Variants in ADAMTS8 observed in about 807,000 individuals in gnomAD.
ADAMTS8 encodes A disintegrin and metalloproteinase with thrombospondin motifs 8.
ADAMTS8 carries 50 observed loss-of-function variants against 64.4 expected under a neutral mutation model. That is an observed-to-expected ratio of 0.78 (90% confidence interval 0.62 to 0.98). The LOEUF (loss-of-function observed/expected upper bound fraction) is 0.98, where lower values mean the gene tolerates loss of function less well. Ranked by LOEUF, ADAMTS8 falls within the 50% of genes least tolerant of loss-of-function variation. The probability of loss-of-function intolerance (pLI) is 0.00; values close to 1 mark genes in which losing one functional copy is unlikely to be tolerated. For synonymous variants in ADAMTS8, 556 were observed against 533.6 expected, an observed-to-expected ratio of 1.04 and a Z score of -0.58; for missense variants, 1,192 against 1,208.2, an observed-to-expected ratio of 0.99 and a Z score of 0.20.
chr11:130,417,568 T>C (rs1862043706), intron 2 of ADAMTS8, among the ~76,000 whole-genome samples: 2 of 152,230 alleles, frequency 1.3e-5, no homozygotes, highest in South Asian at 4.2e-4. Flanking sequence ...AAATTAAACT[T>C]TAGAGACGAG....
At position 130,405,279 on chromosome 11, in the gene ADAMTS8, GT is replaced by G. The variant is rs1370331426; in HGVS notation, c.*278del. The G allele has an allele frequency of 2.4e-6, 3 of 1,235,624 alleles. No individual in the cohort carries two copies. Among genetic ancestry groups the G allele is most frequent in the Non-Finnish European group, 2.0e-6 (2 of 989,032 alleles). 76.5% of individuals were successfully genotyped at this position (1,235,624 alleles called of 1,614,324 possible). On this transcript the variant is annotated 3_prime_UTR_variant, in exon 9 of 9. Coordinates refer to ENST00000257359, the MANE Select transcript of ADAMTS8 (RefSeq NM_007037.6). ...GACTGACGCTGAGTGTCCTGTCTGA[GT>G]CAATAAGTGCACTTTTACCTTTTAA...
At chr11:130,410,161 G>A (rs557431184) in intron 6 of ADAMTS8, among the ~76,000 whole-genome samples, 13 of 152,064 alleles carry the variant, frequency 8.5e-5, no homozygotes, top group Non-Finnish European at 1.6e-4. Context: ...CAAAGCTTCC[G>A]CTCACCCAGC....
intron 8 of ADAMTS8, among the ~76,000 whole-genome samples, chr11:130,408,082 G>A (rs1470080648): frequency 2.0e-5 from 3 of 152,118 alleles, no homozygotes; most frequent in African/African-American, 4.8e-5. Context: ...AGGGTGAGAC[G>A]TCCTTCCCAA....
chr11:130,408,486 A>G lies in ADAMTS8; in HGVS notation c.2077T>C (p.Ser693Pro). The G allele has an allele frequency of 6.2e-7, 1 of 1,613,862 alleles. No homozygotes were observed. The highest frequency in any genetic ancestry group is 8.5e-7 in the Non-Finnish European group (1 of 1,180,016). ...GGKGNSCRKV[S>P]GSLTPTNYGY... ...CACTTGGTGGGGGTGAGGGACCCGG[A>G]GACCTTCCTGCAGGAGTTGCCTTTG... The change falls in exon 8 of 9, where the codon TCC becomes CCC. Residue 693 changes from serine (S) to proline (P), a missense_variant. Transcript: ENST00000257359.
rs773003821 is a variant in ADAMTS8 at position 130,417,025 on chromosome 11, G to A, written c.1011C>T (p.Ile337=). 26 of 1,613,876 alleles carry A rather than the reference G, an allele frequency of 1.6e-5. No individual in the cohort carries two copies. The highest frequency in any genetic ancestry group is 2.7e-5 in the African/African-American group (2 of 74,888). The change falls in exon 3 of 9, where the codon ATC becomes ATT. Residue 337 remains isoleucine, a synonymous_variant. Transcript: ENST00000257359. ...TTTTGTTGGGGTCACAAATGGTCCCGATGTCTGCCACACCCAGGGTGTCAC... is the reference window on the plus strand; with the variant it reads ...TTTTGTTGGGGTCACAAATGGTCCCAATGTCTGCCACACCCAGGGTGTCAC... The part of the protein sequence containing the change: ...GLCDTLGVAD[I]GTICDPNKSC...
rs140947483 is a variant in ADAMTS8 at position 130,411,154 on chromosome 11, C to G, written c.1750+263G>C. Among the ~76,000 whole-genome samples, 102 of 152,250 alleles carry G rather than the reference C, an allele frequency of 6.7e-4. No individual in the cohort carries two copies. Among genetic ancestry groups the G allele is most frequent in the African/African-American group, 2.3e-3 (95 of 41,550 alleles). On this transcript the variant is annotated intron_variant, in intron 6 of 8. Transcript: ENST00000257359. The surrounding 1 kb of genome is among the most constrained non-coding windows in gnomAD (Gnocchi z 4.2). ...TTGGAAGATGAGCGTAATTTCTCTCCTTGACTTTGCCAGGCTCTCTGAACA... is the reference window on the plus strand; with the variant it reads ...TTGGAAGATGAGCGTAATTTCTCTCGTTGACTTTGCCAGGCTCTCTGAACA...
At position 130,406,133 on chromosome 11, in the gene ADAMTS8, G is replaced by A. The variant is rs1250983044; in HGVS notation, c.2100-5C>T. The A allele has an allele frequency of 5.0e-6, 8 of 1,601,502 alleles. No homozygotes were observed. The highest frequency in any genetic ancestry group is 6.8e-6 in the Non-Finnish European group (8 of 1,176,552). ...ACAATGTCATTGTAGCCATAACTGTGATAGAAACAGAAGGACACCCTTAGA... is the reference window on the plus strand; with the variant it reads ...ACAATGTCATTGTAGCCATAACTGTAATAGAAACAGAAGGACACCCTTAGA... On this transcript the variant is annotated splice_polypyrimidine_tract_variant and splice_region_variant and intron_variant, in intron 8 of 8. Transcript: ENST00000257359.
At chr11:130,419,340 G>A (rs765387) in intron 1 of ADAMTS8, 48 bp from the exon 2 acceptor site, 2 of 1,610,290 alleles carry the variant, frequency 1.2e-6, no homozygotes, top group Non-Finnish European at 1.7e-6. Context: ...TTAAGTCTCA[G>A]GGCCCTTGGC....
intron 4 of ADAMTS8, among the ~76,000 whole-genome samples, 193 bp downstream of exon 4, chr11:130,415,970 C>T (rs902285113): frequency 2.6e-5 from 4 of 152,208 alleles, no homozygotes; most frequent in Non-Finnish European, 5.9e-5. Flanking sequence ...TAAATTAGCG[C>T]AGAACTCGGC....
intron 8 of ADAMTS8, among the ~76,000 whole-genome samples, chr11:130,407,925 G>A (rs1198726428): frequency 1.3e-5 from 2 of 152,106 alleles, no homozygotes; most frequent in Non-Finnish European, 2.9e-5. Context: ...AAAATCCTTG[G>A]AGTTTTATGA....
Position 130,405,041 on chromosome 11 carries a change from C to T in ADAMTS8, c.*517G>A. On this transcript the variant is annotated 3_prime_UTR_variant, in exon 9 of 9. Transcript: ENST00000257359. ...TCTCCAAACCCTGCGACGCTGCGGC[C>T]CTTTAGGTGATGGATTTTAACACTG... 1.0e-6 allele frequency: 1 copy of T among 987,288 alleles called. No individual in the cohort carries two copies. Among genetic ancestry groups the T allele is most frequent in the Non-Finnish European group, 1.2e-6 (1 of 831,042 alleles). The allele number at this position is 987,288 out of a possible 1,614,324, so 61.2% of individuals were successfully genotyped here. A position where few individuals can be genotyped will look rare whatever the true frequency, so the allele number is the denominator to read the frequency against.
In ADAMTS8 at chr11:130,408,611, T is replaced by C; in HGVS notation, c.1952A>G (p.Glu651Gly). The C allele has an allele frequency of 1.2e-6, 2 of 1,614,152 alleles. No individual in the cohort carries two copies. The highest frequency in any genetic ancestry group is 1.7e-6 in the Non-Finnish European group (2 of 1,180,026). ...KVIDGTLCGP[E>G]TLAICVRGQC... is the part of the protein sequence containing the mutation. ...GCCACGGACACAGATGGCCAGTGTT[T>C]CTGGCCCACACAGGGTGCCATCAAT... The change falls in exon 8 of 9, where the codon GAA (glutamate) becomes GGA (glycine). Residue 651 changes from glutamate (E) to glycine (G), a missense_variant. Physicochemically the swap from Glu to Gly is moderately conservative, Grantham distance 98 (BLOSUM62 -2). Coordinates refer to ENST00000257359, the MANE Select transcript of ADAMTS8 (RefSeq NM_007037.6).
In ADAMTS8 at chr11:130,419,275, T is replaced by A; in HGVS notation, c.738A>T (p.Leu246Phe). ...GADLQNHILT[L>F]MSVAARIYKH... ...TGTAGATTCGGGCTGCCACAGACAT[T>A]AACGTCAGGATGTGGTTCTGTCAGG... The change falls in exon 2 of 9, where the codon TTA (leucine) becomes TTT (phenylalanine). Residue 246 changes from leucine (L) to phenylalanine (F), a missense_variant. By Grantham distance (22) the Leu-to-Phe change is conservative. Coordinates refer to ENST00000257359, the MANE Select transcript of ADAMTS8 (RefSeq NM_007037.6). 1 of 1,613,926 alleles carries A rather than the reference T, an allele frequency of 6.2e-7. No homozygotes were observed.
rs916537842 is a variant in ADAMTS8, at chr11:130,416,091, A to G, written c.1264+72T>C. The G allele has an allele frequency of 2.8e-5, 41 of 1,461,374 alleles. No homozygotes were observed. The highest frequency in any genetic ancestry group is 3.5e-5 in the Non-Finnish European group (38 of 1,099,412). 90.5% of individuals were successfully genotyped at this position (1,461,374 alleles called of 1,614,324 possible). ...GGGCCCTGTGAGGAGGCACAGCTGGAGGGGGTCTCTGCGCCAGCACCAGTG... is the reference window on the plus strand; with the variant it reads ...GGGCCCTGTGAGGAGGCACAGCTGGGGGGGGTCTCTGCGCCAGCACCAGTG... On this transcript the variant is annotated intron_variant, in intron 4 of 8. Coordinates refer to ENST00000257359, the MANE Select transcript of ADAMTS8 (RefSeq NM_007037.6). This position sits in a 1 kb window ranked among gnomAD's most constrained non-coding sequence, Gnocchi z 4.8.
Position 130,416,359 on chromosome 11 carries a change from C to G in ADAMTS8, c.1097-29G>C. 1 of 1,520,646 alleles carries G rather than the reference C, an allele frequency of 6.6e-7. No individual in the cohort carries two copies. 94.2% of individuals were successfully genotyped at this position (1,520,646 alleles called of 1,614,324 possible). A position where few individuals can be genotyped will look rare whatever the true frequency, so the allele number is the denominator to read the frequency against. On this transcript the variant is annotated intron_variant, in intron 3 of 8. Transcript: ENST00000257359. This position sits in a 1 kb window ranked among gnomAD's most constrained non-coding sequence, Gnocchi z 4.8. ...GGGAGAGAGGCCTGGTCCACTCCGCCCTGTCCTGCCTGAGGGCGCCCCACC... is the reference window on the plus strand; with the variant it reads ...GGGAGAGAGGCCTGGTCCACTCCGCGCTGTCCTGCCTGAGGGCGCCCCACC...
At chr11:130,421,243 C>T (rs1444518775) in intron 1 of ADAMTS8, among the ~76,000 whole-genome samples, 1 of 152,166 alleles carries the variant, frequency 6.6e-6, no homozygotes, top group African/African-American at 2.4e-5. Flanking sequence ...AGGCAGTGCT[C>T]ACATCCTCAG....
Position 130,416,438 on chromosome 11 carries a change from C to G in ADAMTS8, c.1097-108G>C. On this transcript the variant is annotated intron_variant, in intron 3 of 8. Transcript: ENST00000257359. This position sits in a 1 kb window ranked among gnomAD's most constrained non-coding sequence, Gnocchi z 4.8. ...CCTCAGGGGAGCAGCCACCCCCTCA[C>G]TCTCCGAAGATTTCTGCGTAGGGCT... The G allele has an allele frequency of 7.9e-7, 1 of 1,271,150 alleles. No homozygotes were observed. Among genetic ancestry groups the G allele is most frequent in the South Asian group, 1.6e-5 (1 of 62,260 alleles). The allele number at this position is 1,271,150 out of a possible 1,614,324, so 78.7% of individuals were successfully genotyped here.
At chr11:130,412,315 ATGATTCC>A (rs1409306142) in intron 5 of ADAMTS8, among the ~76,000 whole-genome samples, 4 of 152,058 alleles carry the variant, frequency 2.6e-5, no homozygotes, top group African/African-American at 9.7e-5. Context: ...CTGGGTTCAA[ATGATTCC>A]TGTGCCTCGG....
At position 130,427,716 on chromosome 11, in the gene ADAMTS8, G is replaced by C. The variant is rs1202578909; in HGVS notation, c.571C>G (p.Gln191Glu). 1 of 1,595,364 alleles carries C rather than the reference G, an allele frequency of 6.3e-7. No homozygotes were observed. Among genetic ancestry groups the C allele is most frequent in the Non-Finnish European group, 8.5e-7 (1 of 1,172,088 alleles). ...CTAGCGCCTTCTGCCTCCTCTTCTT[G>C]GCTCTCCTCCTCGCTGTCCTCCTGG... The part of the protein sequence containing the change: ...DHQEDSEEES[Q>E]EEEAEGASEP... Residue 191 changes from glutamine (Q) to glutamate (E), a missense_variant, in exon 1 of 9, where the codon CAA becomes GAA. Physicochemically the swap from Gln to Glu is conservative, Grantham distance 29. This residue lies in a region of ADAMTS8 where 741 missense variants were observed against 710.6 expected (regional missense o/e 1.04). Coordinates refer to ENST00000257359, the MANE Select transcript of ADAMTS8 (RefSeq NM_007037.6).
Sources: allele counts gnomAD v4.1 joint callset (sites outside exome capture counted in the v4.1 genomes callset), GRCh38; gene constraint gnomAD v4.1.1; regional missense constraint gnomAD v4.1.1; non-coding constraint Gnocchi (gnomAD v3.1); transcripts MANE v1.5; gene names NCBI Gene and HGNC (gene_info 2026-07-23, HGNC 2026-07-21).